MAP2: variants seen among roughly 807,000 people sequenced by gnomAD.
The protein encoded by MAP2 is microtubule associated protein 2.
A neutral mutation model predicts 137.6 loss-of-function variants in MAP2; 14 were observed. That is an observed-to-expected ratio of 0.10 (90% confidence interval 0.07 to 0.16). MAP2 has a LOEUF of 0.16. Among genes scored for constraint, MAP2 ranks in the 10% least tolerant of loss-of-function variants. The probability of loss-of-function intolerance (pLI) is 1.00; values close to 1 mark genes in which losing one functional copy is unlikely to be tolerated. For missense variants in MAP2, 2,088 were observed against 2,191.5 expected, an observed-to-expected ratio of 0.95 and a Z score of 0.94; for synonymous variants, 786 against 782.3, an observed-to-expected ratio of 1.00 and a Z score of -0.08.
At chr2:209,499,955 T>G (rs2060187388) in intron 1 of MAP2, among the ~76,000 whole-genome samples, 1 of 152,058 alleles carries the variant, frequency 6.6e-6, no homozygotes, top group Non-Finnish European at 1.5e-5. Flanking sequence ...CAACATGAGA[T>G]TTGGGTGGAG....
At chr2:209,549,795 T>C (rs1480699574) in intron 2 of MAP2, among the ~76,000 whole-genome samples, 1 of 152,158 alleles carries the variant, frequency 6.6e-6, no homozygotes, top group Admixed American at 6.5e-5. Context: ...AGCAATCACT[T>C]TGCGGTAATG....
chr2:209,455,684 A>G (rs998614368), intron 1 of MAP2, among the ~76,000 whole-genome samples: 2 of 152,232 alleles, frequency 1.3e-5, no homozygotes, highest in African/African-American at 4.8e-5. Context: ...ACTCTGATAT[A>G]TAAATAAATT....
At chr2:209,488,473 G>T (rs1309653992) in intron 1 of MAP2, among the ~76,000 whole-genome samples, 1 of 152,108 alleles carries the variant, frequency 6.6e-6, no homozygotes, top group African/African-American at 2.4e-5. Flanking sequence ...CTGAAGCCAG[G>T]GAGCCAAGTG....
intron 2 of MAP2, among the ~76,000 whole-genome samples, chr2:209,566,497 A>C (rs2073438641): frequency 6.6e-6 from 1 of 151,754 alleles, no homozygotes; most frequent in African/African-American, 2.4e-5. Flanking sequence ...TAAAAATGAA[A>C]CTCTATTTGT....
intron 1 of MAP2, among the ~76,000 whole-genome samples, chr2:209,482,673 T>C (rs2057878493): frequency 6.6e-6 from 1 of 152,188 alleles, no homozygotes; most frequent in Non-Finnish European, 1.5e-5. Flanking sequence ...TTACCCCCAT[T>C]CTAATGATGA....
chr2:209,525,836 C>A (rs1332487645), intron 2 of MAP2, among the ~76,000 whole-genome samples: 2 of 152,106 alleles, frequency 1.3e-5, no homozygotes, highest in Non-Finnish European at 2.9e-5. Flanking sequence ...TAGAATTTCT[C>A]TTTTTCTCCT....
At chr2:209,523,494 G>A (rs2063575833) in intron 2 of MAP2, among the ~76,000 whole-genome samples, 1 of 152,028 alleles carries the variant, frequency 6.6e-6, no homozygotes, top group South Asian at 2.1e-4. Flanking sequence ...CCCTGTCTGA[G>A]CTCCTCAGCC....
At chr2:209,599,707 G>A (rs1302102384) in intron 3 of MAP2, among the ~76,000 whole-genome samples, 2 of 150,710 alleles carry the variant, frequency 1.3e-5, no homozygotes, top group Non-Finnish European at 3.0e-5. Flanking sequence ...TTCCTTTTTT[G>A]CAAGCAGAAT....
At chr2:209,439,749 A>G (rs957459312) in intron 1 of MAP2, among the ~76,000 whole-genome samples, 6 of 151,480 alleles carry the variant, frequency 4.0e-5, no homozygotes, top group Non-Finnish European at 7.4e-5. Flanking sequence ...AAAGTAAGCA[A>G]CTGTCACCCT....
At chr2:209,561,196 C>T (rs778750325) in intron 2 of MAP2, among the ~76,000 whole-genome samples, 7 of 152,082 alleles carry the variant, frequency 4.6e-5, no homozygotes, top group Non-Finnish European at 1.0e-4. Flanking sequence ...TGATTTATGT[C>T]GGAATGTCTT....
chr2:209,670,670 A>AG (rs893548617), intron 5 of MAP2, among the ~76,000 whole-genome samples: 8 of 151,780 alleles, frequency 5.3e-5, no homozygotes, highest in Non-Finnish European at 1.2e-4. Context: ...GTGGAGGTAG[A>AG]GGAAAAAAAA....
Position 209,678,674 on chromosome 2 carries a change from C to T in MAP2, c.365C>T (p.Ala122Val). The change falls in exon 6 of 16, where the codon GCT becomes GTT. Residue 122 changes from alanine to valine, a missense_variant. Physicochemically the swap from Ala to Val is moderately conservative, Grantham distance 64. Coordinates refer to ENST00000682079, the MANE Select transcript of MAP2 (RefSeq NM_001375505.1). ...GCTCAACATAAAGACCAGACTGCAGCTCTGCCTTTAGGTAAATAAGAAGAT... is the reference window on the plus strand; with the variant it reads ...GCTCAACATAAAGACCAGACTGCAGTTCTGCCTTTAGGTAAATAAGAAGAT... ...KEAQHKDQTAALPLAAEETAN... is the reference protein window; with the variant it reads ...KEAQHKDQTAVLPLAAEETAN... The T allele has an allele frequency of 1.3e-6, 2 of 1,595,838 alleles. No individual in the cohort carries two copies. Among genetic ancestry groups the T allele is most frequent in the Non-Finnish European group, 1.7e-6 (2 of 1,169,446 alleles).
At chr2:209,647,898 T>C (rs1433184506) in intron 4 of MAP2, among the ~76,000 whole-genome samples, 1 of 152,154 alleles carries the variant, frequency 6.6e-6, no homozygotes, top group African/African-American at 2.4e-5. Flanking sequence ...CAAAATTGTT[T>C]AACAACTAAG....
At chr2:209,476,480 T>A (rs1031846139) in intron 1 of MAP2, among the ~76,000 whole-genome samples, 1 of 151,422 alleles carries the variant, frequency 6.6e-6, no homozygotes, top group Non-Finnish European at 1.5e-5. Context: ...CCACTAGCCA[T>A]CCTGAAAGTG....
At chr2:209,596,664 T>A (rs144151512) in intron 3 of MAP2, among the ~76,000 whole-genome samples, 1 of 152,220 alleles carries the variant, frequency 6.6e-6, no homozygotes, top group African/African-American at 2.4e-5. Context: ...TAGAAAATCA[T>A]ATTTATTGAT....
chr2:209,522,919 TA>T (rs1411392983), intron 2 of MAP2, among the ~76,000 whole-genome samples: 1 of 152,168 alleles, frequency 6.6e-6, no homozygotes, highest in Non-Finnish European at 1.5e-5. Flanking sequence ...GTTGTGACTC[TA>T]ATAAATTTAC....
At chr2:209,637,224 C>T (rs1306422908) in intron 4 of MAP2, among the ~76,000 whole-genome samples, 3 of 152,088 alleles carry the variant, frequency 2.0e-5, no homozygotes, top group Non-Finnish European at 4.4e-5. Flanking sequence ...GGGCAGATCA[C>T]TTGAGGTCAG....
At chr2:209,429,642 A>G (rs1257782572) in intron 1 of MAP2, among the ~76,000 whole-genome samples, 1 of 152,180 alleles carries the variant, frequency 6.6e-6, no homozygotes, top group Non-Finnish European at 1.5e-5. Flanking sequence ...ATCATGAGAT[A>G]TTTCATCGCT....
rs759575549 is a variant in MAP2 at position 209,723,695 on chromosome 2, G to A, written c.5074-2014G>A. 5 of 1,608,928 alleles carry A rather than the reference G, an allele frequency of 3.1e-6. No individual in the cohort carries two copies. In the South Asian group the frequency reaches 3.3e-5, roughly 11 times the overall value. On this transcript the variant is annotated intron_variant, in intron 13 of 15. Coordinates refer to ENST00000682079, the MANE Select transcript of MAP2 (RefSeq NM_001375505.1). ...TCGGCTGGGGGCGGAAATGTAAGTAGAAGCGCCTTTTAGAAAGCTGTCCTG... is the reference window on the plus strand; with the variant it reads ...TCGGCTGGGGGCGGAAATGTAAGTAAAAGCGCCTTTTAGAAAGCTGTCCTG...
Sources: allele counts gnomAD v4.1 joint callset (sites outside exome capture counted in the v4.1 genomes callset), GRCh38; gene constraint gnomAD v4.1.1; transcripts MANE v1.5; gene names NCBI Gene and HGNC (gene_info 2026-07-23, HGNC 2026-07-21).